DZIP3: variants seen among roughly 807,000 people sequenced by gnomAD.
The protein encoded by DZIP3 is DAZ interacting zinc finger protein 3, also known as E3 ubiquitin-protein ligase DZIP3.
DZIP3 carries 118 observed loss-of-function variants against 162.0 expected under a neutral mutation model. The ratio of observed to expected loss-of-function variants is 0.73; its 90% CI spans 0.63 to 0.85. DZIP3 has a LOEUF of 0.85. DZIP3 is among the 40% of genes least tolerant of loss of function. DZIP3 has a pLI of 0.00. For synonymous variants in DZIP3, 438 were observed against 458.6 expected, an observed-to-expected ratio of 0.96 and a Z score of 0.57; for missense variants, 1,331 against 1,407.0, an observed-to-expected ratio of 0.95 and a Z score of 0.86.
chr3:108,686,727 A>T (rs1426396873), intron 28 of DZIP3, 143 bp downstream of exon 28: 6 of 1,013,120 alleles, frequency 5.9e-6, no homozygotes, highest in African/African-American at 1.7e-5. Flanking sequence ...TTGGTAAGGA[A>T]AAAGAAATTT....
At chr3:108,639,017 A>G (rs1942275497) in intron 12 of DZIP3, among the ~76,000 whole-genome samples, 1 of 152,172 alleles carries the variant, frequency 6.6e-6, no homozygotes, top group African/African-American at 2.4e-5. Context: ...AAACCTCCCA[A>G]GTTATCACAT....
At chr3:108,597,899 A>C (rs988121687) in intron 1 of DZIP3, among the ~76,000 whole-genome samples, 1 of 152,218 alleles carries the variant, frequency 6.6e-6, no homozygotes, top group African/African-American at 2.4e-5. Context: ...TGATCAAAAA[A>C]GTTTGGAGAT....
At chr3:108,589,671 A>T, upstream of DZIP3, 1 of 275,720 alleles carries the variant, frequency 3.6e-6, no homozygotes, top group Non-Finnish European at 6.9e-6. Context: ...GAAGGCGAGA[A>T]ATCTCGCGAT....
intron 1 of DZIP3, among the ~76,000 whole-genome samples, chr3:108,593,989 T>C (rs1939571772): frequency 6.6e-6 from 1 of 152,124 alleles, no homozygotes; most frequent in African/African-American, 2.4e-5. Context: ...TAGTTACGGA[T>C]CTGATCATTT....
chr3:108,662,353 C>T (rs1943478366), intron 21 of DZIP3, 96 bp downstream of exon 21: 1 of 1,401,064 alleles, frequency 7.1e-7, no homozygotes, highest in Non-Finnish European at 9.4e-7. Flanking sequence ...GGCACTGTGA[C>T]TACACATTAG....
chr3:108,593,855 G>A (rs1322860293), intron 1 of DZIP3, among the ~76,000 whole-genome samples: 3 of 151,660 alleles, frequency 2.0e-5, no homozygotes, highest in African/African-American at 7.3e-5. Context: ...TGTAGAGATG[G>A]GGTTTCACCA....
intron 21 of DZIP3, among the ~76,000 whole-genome samples, chr3:108,669,097 ATAGATTCT>A (rs1298660105): frequency 1.3e-5 from 2 of 151,942 alleles, no homozygotes; most frequent in African/African-American, 4.8e-5. Context: ...ATCACAGGCT[ATAGATTCT>A]GATTTATACA....
intron 8 of DZIP3, among the ~76,000 whole-genome samples, chr3:108,629,968 A>G (rs1333727164): frequency 6.6e-6 from 1 of 152,064 alleles, no homozygotes; most frequent in East Asian, 1.9e-4. Flanking sequence ...CTTCTTATAT[A>G]AAGTGATCTT....
At chr3:108,596,058 G>C (rs568108537) in intron 1 of DZIP3, among the ~76,000 whole-genome samples, 1 of 152,252 alleles carries the variant, frequency 6.6e-6, no homozygotes, top group South Asian at 2.1e-4. Flanking sequence ...AAAGGGAGGA[G>C]GAATAGGAAG....
chr3:108,633,762 CTCTCTCTCT>C (rs1941999083), intron 9 of DZIP3, among the ~76,000 whole-genome samples: 1 of 97,760 alleles, frequency 1.0e-5, no homozygotes, highest in Non-Finnish European at 2.1e-5. Flanking sequence ...TGATAGATCT[CTCTCTCTCT>C]GGATCTATCA....
intron 17 of DZIP3, among the ~76,000 whole-genome samples, chr3:108,650,063 C>T (rs1260980394): frequency 6.6e-6 from 1 of 151,684 alleles, no homozygotes; most frequent in East Asian, 1.9e-4. Flanking sequence ...GCTGTCAAAC[C>T]ACCAAACTAA....
At chr3:108,618,662 A>G (rs558641273) in intron 5 of DZIP3, among the ~76,000 whole-genome samples, 4 of 152,306 alleles carry the variant, frequency 2.6e-5, no homozygotes, top group Non-Finnish European at 5.9e-5. Flanking sequence ...CTCCACTGAG[A>G]TCAGTTTGAA....
At chr3:108,640,914 T>C (rs1157638949) in intron 12 of DZIP3, among the ~76,000 whole-genome samples, 27 of 152,144 alleles carry the variant, frequency 1.8e-4, no homozygotes, top group Non-Finnish European at 4.0e-4. Flanking sequence ...TTTGTTGTTT[T>C]ATATATACAA....
At chr3:108,615,704 C>T (rs967264693) in intron 4 of DZIP3, among the ~76,000 whole-genome samples, 5 of 152,124 alleles carry the variant, frequency 3.3e-5, no homozygotes, top group Non-Finnish European at 5.9e-5. Flanking sequence ...AGACATAGTC[C>T]TACCTTTCAT....
intron 10 of DZIP3, 124 bp from the exon 11 acceptor site, chr3:108,636,492 A>G: frequency 5.4e-6 from 3 of 556,750 alleles, no homozygotes; most frequent in Non-Finnish European, 9.0e-6. Context: ...TACATGTCAA[A>G]TATTCACATC....
In DZIP3 at chr3:108,608,078, A is replaced by G; in HGVS notation, c.33-11A>G. The G allele has an allele frequency of 6.2e-7, 1 of 1,607,986 alleles. No individual in the cohort carries two copies. Among genetic ancestry groups the G allele is most frequent in the Non-Finnish European group, 8.5e-7 (1 of 1,175,622 alleles). Reference sequence around the variant, plus strand: ...GATGCTCTTAATATACCTCATTTTCATTTAAAATAGGCATCCTGCTGTGGA... The same window carrying G: ...GATGCTCTTAATATACCTCATTTTCGTTTAAAATAGGCATCCTGCTGTGGA... On this transcript the variant is annotated splice_polypyrimidine_tract_variant and intron_variant, in intron 2 of 32. Coordinates refer to ENST00000361582, the MANE Select transcript of DZIP3 (RefSeq NM_014648.4).
chr3:108,638,916 C>CA (rs1942272248), intron 12 of DZIP3, among the ~76,000 whole-genome samples: 1 of 152,218 alleles, frequency 6.6e-6, no homozygotes, highest in African/African-American at 2.4e-5. Flanking sequence ...CAGCTGAACT[C>CA]ATTCGTGCCA....
At chr3:108,660,205 A>G (rs1943354831) in intron 19 of DZIP3, among the ~76,000 whole-genome samples, 1 of 152,196 alleles carries the variant, frequency 6.6e-6, no homozygotes, top group Non-Finnish European at 1.5e-5. Context: ...ACAAGAACAA[A>G]GCTGGAGGCA....
intron 19 of DZIP3, among the ~76,000 whole-genome samples, chr3:108,659,305 G>T (rs989133005): frequency 3.3e-5 from 5 of 152,234 alleles, no homozygotes; most frequent in African/African-American, 1.2e-4. Context: ...TGATCAAGTG[G>T]GCTTCATCAC....
Sources: gnomAD v4.1 joint callset for allele counts (sites outside exome capture counted in the v4.1 genomes callset) on GRCh38, gnomAD v4.1.1 for gene constraint, MANE v1.5 for transcripts, NCBI Gene and HGNC (gene_info 2026-07-23, HGNC 2026-07-21) for gene names.